Variants in RAP1A observed in about 807,000 individuals in gnomAD.
RAP1A encodes ras-related protein Rap-1A.
In RAP1A, 6 loss-of-function variants were observed where a neutral mutation model predicts 26.4. The observed-to-expected ratio is 0.23, with a 90% CI of 0.12 to 0.45. The LOEUF is 0.45. Among genes scored for constraint, RAP1A ranks in the 20% least tolerant of loss-of-function variants. RAP1A has a pLI of 0.99. For missense variants in RAP1A, 121 were observed against 217.2 expected, an observed-to-expected ratio of 0.56 and a Z score of 2.78; for synonymous variants, 73 against 79.4, an observed-to-expected ratio of 0.92 and a Z score of 0.43.
chr1:111,596,562 T>C (rs1409450107), intron 1 of RAP1A, among the ~76,000 whole-genome samples: 1 of 152,262 alleles, frequency 6.6e-6, no homozygotes. Flanking sequence ...CCATAGCAGA[T>C]GATCTTAGTC....
intron 1 of RAP1A, among the ~76,000 whole-genome samples, chr1:111,593,652 C>CTATTT: frequency 1.5e-5 from 1 of 65,408 alleles, no homozygotes; most frequent in Non-Finnish European, 2.7e-5. Context: ...ATGACTCCTA[C>CTATTT]TTTTTTTTTT....
chr1:111,683,132 C>T (rs1425642315), intron 1 of RAP1A, among the ~76,000 whole-genome samples: 1 of 152,130 alleles, frequency 6.6e-6, no homozygotes, highest in Non-Finnish European at 1.5e-5. Flanking sequence ...AGAACAAAGA[C>T]ACAACGTACC....
intron 1 of RAP1A, among the ~76,000 whole-genome samples, chr1:111,556,042 C>T (rs1447293535): frequency 1.3e-5 from 2 of 152,104 alleles, no homozygotes; most frequent in African/African-American, 4.8e-5. Context: ...ATATAAAACG[C>T]ACAAGAAACT....
At chr1:111,641,450 AG>A (rs1298897684) in intron 1 of RAP1A, among the ~76,000 whole-genome samples, 2 of 152,124 alleles carry the variant, frequency 1.3e-5, no homozygotes, top group Non-Finnish European at 2.9e-5. Context: ...TCCACCTTCC[AG>A]ATTCTTAATT....
At chr1:111,599,561 T>C (rs189785217) in intron 1 of RAP1A, 1 of 152,394 alleles carries the variant, frequency 6.6e-6, no homozygotes, top group Admixed American at 6.5e-5. Flanking sequence ...GGCCCTTCTC[T>C]TCTCCCCAGA....
At chr1:111,611,525 T>A (rs182204248) in intron 1 of RAP1A, among the ~76,000 whole-genome samples, 1 of 152,256 alleles carries the variant, frequency 6.6e-6, no homozygotes, top group Non-Finnish European at 1.5e-5. Flanking sequence ...ACGGTTTATC[T>A]TTCCTATAAA....
intron 1 of RAP1A, among the ~76,000 whole-genome samples, chr1:111,622,440 C>T (rs1659245181): frequency 6.6e-6 from 1 of 152,186 alleles, no homozygotes; most frequent in Non-Finnish European, 1.5e-5. Context: ...ACTTAATGTC[C>T]TCTCTGCCTG....
chr1:111,672,887 A>C (rs78807297), intron 1 of RAP1A, among the ~76,000 whole-genome samples: 1,833 of 152,182 alleles, frequency 0.012, 38 homozygotes, highest in African/African-American at 0.042. Flanking sequence ...TTTGGCATTC[A>C]TTGGGTGTTT....
chr1:111,550,455 A>G (rs1657215299), intron 1 of RAP1A, among the ~76,000 whole-genome samples: 1 of 152,126 alleles, frequency 6.6e-6, no homozygotes, highest in South Asian at 2.1e-4. Flanking sequence ...TTTTTAATGA[A>G]GGTGTTCAAC....
Position 111,557,444 on chromosome 1 carries a change from G to T in RAP1A, c.-28+14935G>T, listed in dbSNP as rs1657542951. ...ACCCGCCTGTAGTCCCAGCTACTCG[G>T]GAGGCTGAAGCAGGAGAATCGCTGG... is the stretch of plus-strand genomic sequence containing the variant. On this transcript the variant is annotated intron_variant, in intron 1 of 7. Coordinates refer to the RAP1A transcript ENST00000356415. Among the ~76,000 whole-genome samples the T allele has an allele frequency of 2.0e-5, 3 of 151,964 alleles. No individual in the cohort carries two copies. The South Asian group carries it at 6.2e-4, about 32-fold the overall frequency.
chr1:111,659,306 T>A (rs1282750231), intron 1 of RAP1A, among the ~76,000 whole-genome samples: 1 of 152,212 alleles, frequency 6.6e-6, no homozygotes, highest in East Asian at 1.9e-4. Flanking sequence ...AGAACAATTC[T>A]AACAATATAC....
At chr1:111,572,139 AGAGCAG>A (rs1394764756) in intron 1 of RAP1A, among the ~76,000 whole-genome samples, 2 of 152,254 alleles carry the variant, frequency 1.3e-5, no homozygotes, top group Non-Finnish European at 2.9e-5. Context: ...GGGAGGTATC[AGAGCAG>A]GTCAGCCAGG....
intron 5 of RAP1A, among the ~76,000 whole-genome samples, chr1:111,703,871 A>G (rs1453930776): frequency 6.6e-6 from 1 of 152,198 alleles, no homozygotes; most frequent in Non-Finnish European, 1.5e-5. Flanking sequence ...GGTATAATTC[A>G]CACATCACAG....
At chr1:111,563,959 A>C (rs994652986) in intron 1 of RAP1A, 1 of 1,609,416 alleles carries the variant, frequency 6.2e-7, no homozygotes, top group Non-Finnish European at 8.5e-7. Flanking sequence ...CCATTGGTCC[A>C]ACTGGTGGTC....
chr1:111,659,212 C>G (rs1329463835), intron 1 of RAP1A, among the ~76,000 whole-genome samples: 2 of 152,112 alleles, frequency 1.3e-5, no homozygotes, highest in Non-Finnish European at 2.9e-5. Flanking sequence ...CTTATATGTA[C>G]TGTATTTTTT....
intron 1 of RAP1A, among the ~76,000 whole-genome samples, chr1:111,688,970 G>A (rs903384296): frequency 6.6e-6 from 1 of 151,928 alleles, no homozygotes; most frequent in African/African-American, 2.4e-5. Flanking sequence ...AAGTAGCTGG[G>A]ACCATAGGCA....
chr1:111,636,701 C>T (rs1659739111), intron 1 of RAP1A, among the ~76,000 whole-genome samples: 1 of 151,358 alleles, frequency 6.6e-6, no homozygotes, highest in Admixed American at 6.6e-5. Flanking sequence ...CAGGCTGAGT[C>T]TCCCCACCTC....
At chr1:111,652,592 G>A (rs474077) in intron 1 of RAP1A, among the ~76,000 whole-genome samples, 71,970 of 151,814 alleles carry the variant, frequency 0.47, 17,301 homozygotes, top group African/African-American at 0.54. Flanking sequence ...GCTGACTATG[G>A]ATTAGAAGAA....
At chr1:111,630,841 A>G (rs1040791258) in intron 1 of RAP1A, among the ~76,000 whole-genome samples, 2 of 152,212 alleles carry the variant, frequency 1.3e-5, no homozygotes, top group Non-Finnish European at 1.5e-5. Flanking sequence ...CTCACTGGAT[A>G]TCATTATTTC....
Sources: allele counts gnomAD v4.1 joint callset (sites outside exome capture counted in the v4.1 genomes callset), GRCh38; gene constraint gnomAD v4.1.1; transcripts MANE v1.5; gene names NCBI Gene and HGNC (gene_info 2026-07-23, HGNC 2026-07-21).